IPMK: variants seen among roughly 807,000 people sequenced by gnomAD.
The protein encoded by IPMK is inositol polyphosphate multikinase, also known as inositol 1,3,4,6-tetrakisphosphate 5-kinase.
In IPMK, 17 loss-of-function variants were observed where a neutral mutation model predicts 45.8. The ratio of observed to expected loss-of-function variants is 0.37; its 90% CI spans 0.25 to 0.56. The LOEUF is 0.56. Ranked by LOEUF, IPMK falls within the 20% of genes least tolerant of loss-of-function variation. The pLI, the probability that IPMK is intolerant of heterozygous loss-of-function variation, is 0.79. For missense variants in IPMK, 399 were observed against 498.0 expected (o/e 0.80, Z 1.89); for synonymous variants, 180 against 184.3 (o/e 0.98, Z 0.19).
rs753050298 is a variant in IPMK at position 58,211,901 on chromosome 10, CAAAAAAAAAA to C, written c.546+4234_546+4243del. Among the ~76,000 whole-genome samples the C allele has an allele frequency of 1.2e-4, 6 of 50,392 alleles. No homozygotes were observed. The South Asian group carries it at 3.5e-3, about 29-fold the overall frequency. 33.1% of individuals were successfully genotyped at this position (50,392 alleles called of 152,430 possible). Reference sequence around the variant, plus strand: ...CACTCCAGCCTGGGTGACATCTCACCAAAAAAAAAAAAAAAAAAAAAAAATTTGTTTTCAT... The same window carrying C: ...CACTCCAGCCTGGGTGACATCTCACCAAAAAAAAAAAAAATTTGTTTTCAT... On this transcript the variant is annotated intron_variant, in intron 4 of 5. Transcript: ENST00000373935.
chr10:58,245,839 A>G (rs1458987796), intron 1 of IPMK, among the ~76,000 whole-genome samples: 1 of 146,390 alleles, frequency 6.8e-6, no homozygotes, highest in Non-Finnish European at 1.5e-5. Flanking sequence ...AAGGGTATTC[A>G]GTTAGGAAAA....
rs983800399 is a variant in IPMK, at chr10:58,267,759, G to C, written c.-148C>G. On this transcript the variant is annotated 5_prime_UTR_variant, in exon 1 of 6. Coordinates refer to ENST00000373935, the MANE Select transcript of IPMK (RefSeq NM_152230.5). ...CTGGTGCCCTCTGAAGCGCGGGGAG[G>C]GGGCCCATGACGCCGCCGGGGCGCG... The C allele has an allele frequency of 5.2e-6, 3 of 577,236 alleles. No individual in the cohort carries two copies. In the African/African-American group the frequency reaches 5.9e-5, roughly 11 times the overall value. The allele number at this position is 577,236 out of a possible 1,614,324, so 35.8% of individuals were successfully genotyped here.
At chr10:58,203,482 A>C (rs1838026029) in intron 4 of IPMK, among the ~76,000 whole-genome samples, 1 of 152,090 alleles carries the variant, frequency 6.6e-6, no homozygotes, top group African/African-American at 2.4e-5. Flanking sequence ...ATGTCTGGCT[A>C]ATTTTTGTAT....
intron 1 of IPMK, among the ~76,000 whole-genome samples, chr10:58,258,251 A>T (rs1418724760): frequency 6.6e-6 from 1 of 152,182 alleles, no homozygotes; most frequent in Admixed American, 6.5e-5. Flanking sequence ...TGGAGGTTGC[A>T]GTGAGCCAAG....
chr10:58,201,528 T>C (rs1375236659), intron 4 of IPMK, among the ~76,000 whole-genome samples: 1 of 152,142 alleles, frequency 6.6e-6, no homozygotes, highest in East Asian at 1.9e-4. Flanking sequence ...TGACCAGCTG[T>C]TCCCCCATCT....
At position 58,196,358 on chromosome 10, in the gene IPMK, T is replaced by A; in HGVS notation, c.969A>T (p.Lys323Asn). ...SLSKMYARHR[K>N]IYTKKHHSQT... ...GACTGTGATGCTTTTTTGTATATATTTTCCTGTGACGCGCATACATCTTGG... is the reference window on the plus strand; with the variant it reads ...GACTGTGATGCTTTTTTGTATATATATTCCTGTGACGCGCATACATCTTGG... The change falls in exon 6 of 6, where the codon AAA becomes AAT. Residue 323 changes from lysine to asparagine, a missense_variant. Transcript: ENST00000373935. The A allele has an allele frequency of 6.2e-7, 1 of 1,614,182 alleles. No homozygotes were observed. The highest frequency in any genetic ancestry group is 1.1e-5 in the South Asian group (1 of 91,080).
intron 4 of IPMK, among the ~76,000 whole-genome samples, chr10:58,202,313 G>T (rs909870413): frequency 1.3e-5 from 2 of 152,064 alleles, no homozygotes; most frequent in African/African-American, 4.8e-5. Flanking sequence ...CTCTTATTAG[G>T]GGCAAATGCA....
intron 2 of IPMK, among the ~76,000 whole-genome samples, chr10:58,234,233 T>C (rs1838573607): frequency 6.6e-6 from 1 of 152,194 alleles, no homozygotes; most frequent in Non-Finnish European, 1.5e-5. Flanking sequence ...AAAATGGCCA[T>C]ACTGCCCAAA....
chr10:58,208,515 TTCTC>T (rs1301826331), intron 4 of IPMK, among the ~76,000 whole-genome samples: 22 of 152,120 alleles, frequency 1.4e-4, no homozygotes, highest in Non-Finnish European at 2.9e-4. Flanking sequence ...TATTTACTTT[TTCTC>T]TCTCTCTCTT....
intron 4 of IPMK, among the ~76,000 whole-genome samples, chr10:58,209,907 CA>C (rs955656359): frequency 1.3e-5 from 2 of 152,148 alleles, no homozygotes; most frequent in Non-Finnish European, 2.9e-5. Context: ...AAGAGAGCAC[CA>C]CTTGCAGTAT....
intron 1 of IPMK, among the ~76,000 whole-genome samples, chr10:58,250,804 C>T (rs1263190632): frequency 6.6e-6 from 1 of 152,136 alleles, no homozygotes; most frequent in Non-Finnish European, 1.5e-5. Context: ...ATTATATTAG[C>T]TGTGAGTTTT....
chr10:58,215,981 A>AT (rs1838239102), intron 4 of IPMK, among the ~76,000 whole-genome samples, 164 bp downstream of exon 4: 1 of 152,090 alleles, frequency 6.6e-6, no homozygotes, highest in East Asian at 1.9e-4. Flanking sequence ...AAAAAAAAAA[A>AT]ATTTTTTAAT....
intron 2 of IPMK, among the ~76,000 whole-genome samples, chr10:58,228,597 A>G (rs1355018176): frequency 6.6e-6 from 1 of 152,200 alleles, no homozygotes. Context: ...GCAGTGGTGC[A>G]ATCTCAGCTC....
At chr10:58,237,175 G>GAGAT (rs2132165149) in intron 2 of IPMK, among the ~76,000 whole-genome samples, 1 of 152,264 alleles carries the variant, frequency 6.6e-6, no homozygotes, top group Admixed American at 6.5e-5. Context: ...CTGCATCAAT[G>GAGAT]AGATCCCTTG....
At chr10:58,264,414 A>T (rs1839118542) in intron 1 of IPMK, among the ~76,000 whole-genome samples, 2 of 152,158 alleles carry the variant, frequency 1.3e-5, no homozygotes, top group African/African-American at 4.8e-5. Flanking sequence ...TATCAGTTTA[A>T]ATCCTTGTTT....
At chr10:58,222,562 A>T (rs975148745) in intron 3 of IPMK, among the ~76,000 whole-genome samples, 2 of 152,234 alleles carry the variant, frequency 1.3e-5, no homozygotes, top group Non-Finnish European at 2.9e-5. Context: ...TATAATAAAT[A>T]AAAGGATATC....
intron 1 of IPMK, among the ~76,000 whole-genome samples, chr10:58,241,122 G>C (rs1369523545): frequency 6.6e-6 from 1 of 152,156 alleles, no homozygotes; most frequent in Non-Finnish European, 1.5e-5. Context: ...AACTTTAGAG[G>C]TCTCCTACTG....
chr10:58,243,107 T>C (rs1431313750), intron 1 of IPMK, among the ~76,000 whole-genome samples: 2 of 152,086 alleles, frequency 1.3e-5, no homozygotes, highest in Non-Finnish European at 2.9e-5. Context: ...TTTATAGCAG[T>C]GTGAAAATGA....
At chr10:58,221,553 A>G (rs566752473) in intron 3 of IPMK, among the ~76,000 whole-genome samples, 10 of 152,136 alleles carry the variant, frequency 6.6e-5, no homozygotes, top group African/African-American at 1.9e-4. Flanking sequence ...AAAATAAGAT[A>G]GATTTCTGTT....
Sources: gnomAD v4.1 joint callset for allele counts (sites outside exome capture counted in the v4.1 genomes callset) on GRCh38, gnomAD v4.1.1 for gene constraint, MANE v1.5 for transcripts, NCBI Gene and HGNC (gene_info 2026-07-23, HGNC 2026-07-21) for gene names.